The following RIN3 variants were observed in gnomAD, a reference collection of about 807,000 sequenced individuals.
RIN3 encodes the protein RAB5 interacting protein 3.
RIN3 carries 54 observed loss-of-function variants against 76.3 expected under a neutral mutation model. The ratio of observed to expected loss-of-function variants is 0.71; its 90% confidence interval spans 0.57 to 0.89. RIN3 has a LOEUF of 0.89. Among genes scored for constraint, RIN3 ranks in the 40% least tolerant of loss-of-function variants. RIN3 has a pLI of 0.00. For synonymous variants in RIN3, 576 were observed against 564.0 expected (o/e 1.02, Z -0.30); for missense variants, 1,256 against 1,322.1 (o/e 0.95, Z 0.78).
At position 92,688,353 on chromosome 14, in the gene RIN3, G is replaced by A; in HGVS notation, c.*101G>A. ...ACGTCCACGCAGCAGAGGGACATGGGCCATTCCATGACGTGCCCAGGCCAA... is the reference window on the plus strand; with the variant it reads ...ACGTCCACGCAGCAGAGGGACATGGACCATTCCATGACGTGCCCAGGCCAA... On this transcript the variant is annotated 3_prime_UTR_variant, in exon 10 of 10. Coordinates refer to ENST00000216487, the MANE Select transcript of RIN3 (RefSeq NM_024832.5). 2 of 1,176,604 alleles carry A rather than the reference G, an allele frequency of 1.7e-6. No individual in the cohort carries two copies. The highest frequency in any genetic ancestry group is 3.2e-5 in the South Asian group (2 of 62,260). The allele number at this position is 1,176,604 out of a possible 1,614,324, so 72.9% of individuals were successfully genotyped here.
intron 1 of RIN3, among the ~76,000 whole-genome samples, chr14:92,554,118 C>T (rs1897512607): frequency 1.3e-5 from 2 of 152,174 alleles, no homozygotes; most frequent in South Asian, 2.1e-4. Context: ...GTACCCTTGT[C>T]TGTGTGATTA....
chr14:92,553,800 C>T (rs1422369361), intron 1 of RIN3, among the ~76,000 whole-genome samples: 2 of 152,110 alleles, frequency 1.3e-5, no homozygotes, highest in Non-Finnish European at 2.9e-5. Flanking sequence ...TCAGTTCTCT[C>T]GAAAACCACT....
chr14:92,517,789 C>T (rs1051145281), intron 1 of RIN3, among the ~76,000 whole-genome samples: 5 of 152,178 alleles, frequency 3.3e-5, no homozygotes, highest in Non-Finnish European at 7.3e-5. Flanking sequence ...AACTGGATCT[C>T]CCCTCCGTCC....
intron 3 of RIN3, among the ~76,000 whole-genome samples, chr14:92,585,105 T>C (rs1435541927): frequency 6.6e-6 from 1 of 152,162 alleles, no homozygotes; most frequent in Non-Finnish European, 1.5e-5. Context: ...TGCAACTCCC[T>C]GGGCTCAAGC....
At chr14:92,670,238 C>T (rs1888243910) in intron 7 of RIN3, among the ~76,000 whole-genome samples, 1 of 152,074 alleles carries the variant, frequency 6.6e-6, no homozygotes, top group South Asian at 2.1e-4. Flanking sequence ...TGCATAAAAC[C>T]CCAGCCAGCT....
In RIN3 at chr14:92,658,500, G is replaced by A. The variant is rs185470972; in HGVS notation, c.2027-661G>A. Among the ~76,000 whole-genome samples the A allele has an allele frequency of 1.1e-4, 17 of 152,298 alleles. No individual in the cohort carries two copies. The East Asian group carries it at 1.7e-3, about 16-fold the overall frequency. On this transcript the variant is annotated intron_variant, in intron 6 of 9. Coordinates refer to ENST00000216487, the MANE Select transcript of RIN3 (RefSeq NM_024832.5). ...TTTGATTGCATGGGAGATGGGGGCC[G>A]TTGGAGGTTTCCAAACAGAAGCATG...
chr14:92,547,437 CAGGCTGG>C (rs1004049130), intron 1 of RIN3, among the ~76,000 whole-genome samples: 1 of 148,042 alleles, frequency 6.8e-6, no homozygotes, highest in Non-Finnish European at 1.5e-5. Context: ...CTCTGTCACC[CAGGCTGG>C]AGTGCAGTGG....
At chr14:92,548,719 T>C (rs1483684653) in intron 1 of RIN3, among the ~76,000 whole-genome samples, 1 of 152,158 alleles carries the variant, frequency 6.6e-6, no homozygotes, top group Non-Finnish European at 1.5e-5. Context: ...CACCTCTCAT[T>C]GGAGTTAGGG....
intron 1 of RIN3, among the ~76,000 whole-genome samples, chr14:92,535,792 A>T (rs1358391817): frequency 2.0e-5 from 3 of 149,148 alleles, no homozygotes; most frequent in Non-Finnish European, 4.4e-5. Context: ...CTCCTGCCTC[A>T]GCCTCCTGAG....
chr14:92,657,148 C>A (rs542777238), intron 6 of RIN3, among the ~76,000 whole-genome samples: 8 of 152,280 alleles, frequency 5.3e-5, no homozygotes, highest in African/African-American at 1.9e-4. Flanking sequence ...CACTTGAGAT[C>A]AGGAGTTCAA....
At chr14:92,516,630 G>A (rs1399061509) in intron 1 of RIN3, among the ~76,000 whole-genome samples, 1 of 152,044 alleles carries the variant, frequency 6.6e-6, no homozygotes, top group Non-Finnish European at 1.5e-5. Context: ...CCCCCACCCC[G>A]AGAAGCCCCA....
intron 1 of RIN3, among the ~76,000 whole-genome samples, chr14:92,541,738 G>C (rs1897136203): frequency 6.6e-6 from 1 of 152,122 alleles, no homozygotes; most frequent in Non-Finnish European, 1.5e-5. Context: ...TGGTTTCTTA[G>C]GTATGACACC....
intron 5 of RIN3, among the ~76,000 whole-genome samples, chr14:92,650,194 T>C (rs1887359199): frequency 6.6e-6 from 1 of 152,186 alleles, no homozygotes; most frequent in Admixed American, 6.5e-5. Flanking sequence ...ATATGGGAAG[T>C]GTCGCAAGTT....
intron 1 of RIN3, among the ~76,000 whole-genome samples, chr14:92,550,604 A>G (rs1897398546): frequency 6.6e-6 from 1 of 152,100 alleles, no homozygotes; most frequent in African/African-American, 2.4e-5. Context: ...TTTTTTGTAG[A>G]GATGTGGTCT....
intron 8 of RIN3, among the ~76,000 whole-genome samples, chr14:92,683,148 C>G (rs982340805): frequency 6.6e-6 from 1 of 151,210 alleles, no homozygotes; most frequent in African/African-American, 2.4e-5. Flanking sequence ...GCCTGGGCAA[C>G]AAGAGCGAAA....
rs1887498985 is a variant in RIN3 at position 92,652,527 on chromosome 14, C to T, written c.1478C>T (p.Pro493Leu). 2 of 1,613,796 alleles carry T rather than the reference C, an allele frequency of 1.2e-6. No homozygotes were observed. The highest frequency in any genetic ancestry group is 1.7e-6 in the Non-Finnish European group (2 of 1,179,964). ...ACACAGGCGATGGCCTTGGAGACAC[C>T]CACGCCGGGTCCACCCAGAGAGGGC... ...LCTQAMALET[P>L]TPGPPREGQS... The change falls in exon 6 of 10, where the codon CCC (proline) becomes CTC (leucine). Residue 493 changes from proline to leucine, a missense_variant. Physicochemically the swap from Pro to Leu is moderately conservative, Grantham distance 98 (BLOSUM62 -3). Transcript: ENST00000216487. The surrounding 1 kb of genome is among the most constrained non-coding windows in gnomAD (Gnocchi z 6.4).
chr14:92,641,182 G>T (rs757636248), intron 4 of RIN3, 56 bp from the exon 5 acceptor site: 20 of 1,339,372 alleles, frequency 1.5e-5, no homozygotes, highest in Non-Finnish European at 2.0e-5. Context: ...CTTTGTGGAG[G>T]CTGGGAATGG....
rs147981435 is a variant in RIN3 at position 92,648,936 on chromosome 14, G to T, written c.533-2646G>T. ...AAAAGGATTCCACACTGAGGGAATA[G>T]CATTAGCCAAGACCTGCTGGTGGGG... On this transcript the variant is annotated intron_variant, in intron 5 of 9. Coordinates refer to ENST00000216487, the MANE Select transcript of RIN3 (RefSeq NM_024832.5). The surrounding 1 kb of genome is among the most constrained non-coding windows in gnomAD (Gnocchi z 4.1). Among the ~76,000 whole-genome samples the T allele has an allele frequency of 7.1e-4, 108 of 152,330 alleles. 1 individual carries two copies. The highest frequency in any genetic ancestry group is 1.0e-3 in the Admixed American group (16 of 15,298).
intron 1 of RIN3, among the ~76,000 whole-genome samples, chr14:92,547,163 A>T (rs1227292628): frequency 3.3e-4 from 20 of 61,368 alleles, no homozygotes; most frequent in African/African-American, 5.7e-4. Context: ...ATTATTATAA[A>T]ATAAATTATC....
Sources: allele counts gnomAD v4.1 joint callset (sites outside exome capture counted in the v4.1 genomes callset), GRCh38; gene constraint gnomAD v4.1.1; non-coding constraint Gnocchi (gnomAD v3.1); transcripts MANE v1.5; gene names NCBI Gene and HGNC (gene_info 2026-07-23, HGNC 2026-07-21).